DPH6: variants seen among roughly 807,000 people sequenced by gnomAD.
DPH6 encodes diphthamine biosynthesis 6.
In DPH6, 33 loss-of-function variants were observed where a neutral mutation model predicts 38.2. That is an observed-to-expected ratio of 0.86 (90% CI 0.65 to 1.15). The LOEUF is 1.15. Ranked by LOEUF, DPH6 falls within the 50% of genes most tolerant of loss-of-function variation. The probability of loss-of-function intolerance (pLI) is 0.00; values close to 1 mark genes in which losing one functional copy is unlikely to be tolerated. For missense variants in DPH6, 325 were observed against 320.0 expected, an observed-to-expected ratio of 1.02 and a Z score of -0.12; for synonymous variants, 108 against 103.0, an observed-to-expected ratio of 1.05 and a Z score of -0.30.
intron 3 of DPH6, among the ~76,000 whole-genome samples, chr15:35,531,661 C>T (rs1270247786): frequency 2.0e-5 from 3 of 152,058 alleles, no homozygotes; most frequent in Admixed American, 1.3e-4. Flanking sequence ...TTAGTACAGA[C>T]GAGGTTTCAA....
intron 3 of DPH6, among the ~76,000 whole-genome samples, chr15:35,531,447 T>C (rs963325036): frequency 6.6e-6 from 1 of 152,188 alleles, no homozygotes; most frequent in Non-Finnish European, 1.5e-5. Context: ...CATAGTAACA[T>C]GGCTCCCCTG....
In DPH6 at chr15:35,282,445, C is replaced by T. The variant is rs572710516; in HGVS notation, n.201-61863G>A. Among the ~76,000 whole-genome samples the T allele has an allele frequency of 5.3e-5, 8 of 152,312 alleles. No homozygotes were observed. The East Asian group carries it at 7.7e-4, about 15-fold the overall frequency. ...CCTCCCACCTTGGCCTCTCAAAGCA[C>T]TGGGATTACAGGTGTGAGCCACCAC... On this transcript the variant is annotated intron_variant and non_coding_transcript_variant, in intron 3 of 3. Transcript: ENST00000560386.
chr15:35,214,765 T>C (rs1216456267), downstream of DPH6, among the ~76,000 whole-genome samples: 2 of 152,054 alleles, frequency 1.3e-5, no homozygotes, highest in Non-Finnish European at 2.9e-5. Context: ...CACCACCACA[T>C]CCGGCTAATT....
intron 3 of DPH6, among the ~76,000 whole-genome samples, chr15:35,311,083 A>AACAACAAC (rs1566866195): frequency 2.0e-5 from 3 of 146,542 alleles, no homozygotes; most frequent in African/African-American, 8.2e-5. Context: ...ACAACAACAA[A>AACAACAAC]AAAAAAAACC....
At chr15:35,496,565 A>ATATATATATATAT (rs1467883229) in intron 3 of DPH6, among the ~76,000 whole-genome samples, 244 of 20,010 alleles carry the variant, frequency 0.012, 2 homozygotes, top group Middle Eastern at 0.056. Flanking sequence ...CAAAAAAAAA[A>ATATATATATATAT]AAATATATAT....
At chr15:35,304,061 T>C (rs1018859109) in intron 3 of DPH6, among the ~76,000 whole-genome samples, 49 of 152,240 alleles carry the variant, frequency 3.2e-4, no homozygotes, top group Middle Eastern at 3.4e-3. Flanking sequence ...GTCTTTCTTA[T>C]ATAAATGACA....
chr15:35,200,913 C>A, the DPH6 span, among the ~76,000 whole-genome samples: 1 of 143,240 alleles, frequency 7.0e-6, no homozygotes, highest in South Asian at 2.2e-4. Flanking sequence ...AATTAAAGAA[C>A]AAAGTTGTAA....
chr15:35,321,552 A>G (rs375642510), intron 3 of DPH6, among the ~76,000 whole-genome samples: 1 of 152,216 alleles, frequency 6.6e-6, no homozygotes, highest in East Asian at 1.9e-4. Context: ...GGTTTTGATA[A>G]TGTTTATTTC....
the DPH6 span, among the ~76,000 whole-genome samples, chr15:35,181,160 C>T: frequency 6.6e-6 from 1 of 152,008 alleles, no homozygotes; most frequent in Non-Finnish European, 1.5e-5. Context: ...AGGACTATTT[C>T]CCATCTCAGA....
At chr15:35,300,448 G>C (rs548815811) in intron 3 of DPH6, among the ~76,000 whole-genome samples, 1 of 152,196 alleles carries the variant, frequency 6.6e-6, no homozygotes, top group Non-Finnish European at 1.5e-5. Flanking sequence ...GGTTATGATT[G>C]TAAGAACGGA....
intron 3 of DPH6, among the ~76,000 whole-genome samples, chr15:35,318,973 G>C (rs939517334): frequency 6.6e-6 from 1 of 152,084 alleles, no homozygotes; most frequent in Non-Finnish European, 1.5e-5. Flanking sequence ...GAGCCAGCTG[G>C]TCAACTTACT....
chr15:35,352,822 T>C (rs74665578), intron 3 of DPH6, among the ~76,000 whole-genome samples: 1 of 152,212 alleles, frequency 6.6e-6, no homozygotes, highest in Admixed American at 6.5e-5. Flanking sequence ...GGTCAAATGA[T>C]ATTTCTAGTT....
chr15:35,177,733 A>G, the DPH6 span, among the ~76,000 whole-genome samples: 1 of 151,960 alleles, frequency 6.6e-6, no homozygotes. Flanking sequence ...TGAGGTCAGG[A>G]GTTCGAGACC....
chr15:35,307,989 T>A (rs2052107647), intron 3 of DPH6, among the ~76,000 whole-genome samples: 1 of 152,172 alleles, frequency 6.6e-6, no homozygotes, highest in Non-Finnish European at 1.5e-5. Context: ...TAAAAACTTC[T>A]GGTCAGCCAT....
chr15:35,435,610 T>C (rs536516523), intron 5 of DPH6, among the ~76,000 whole-genome samples: 200 of 152,250 alleles, frequency 1.3e-3, no homozygotes, highest in Admixed American at 4.0e-3. Flanking sequence ...CAGGACCCCC[T>C]CTTTCTTTTC....
chr15:35,193,552 A>G, the DPH6 span, among the ~76,000 whole-genome samples: 1 of 152,140 alleles, frequency 6.6e-6, no homozygotes, highest in African/African-American at 2.4e-5. Flanking sequence ...CGATAAAGGT[A>G]GTTGCATAGA....
intron 3 of DPH6, among the ~76,000 whole-genome samples, chr15:35,267,602 G>T (rs571338039): frequency 9.9e-5 from 15 of 152,176 alleles, no homozygotes; most frequent in Non-Finnish European, 1.9e-4. Context: ...AGATGGAGAA[G>T]CTATGTTTAG....
At chr15:35,323,230 G>A (rs921738676) in intron 3 of DPH6, among the ~76,000 whole-genome samples, 19 of 152,074 alleles carry the variant, frequency 1.2e-4, no homozygotes, top group African/African-American at 4.6e-4. Flanking sequence ...ATGTTATTAA[G>A]GTATAAGAGG....
intron 5 of DPH6, among the ~76,000 whole-genome samples, chr15:35,437,709 T>C (rs2053735360): frequency 6.6e-6 from 1 of 152,208 alleles, no homozygotes; most frequent in African/African-American, 2.4e-5. Context: ...GATACAGGCC[T>C]AGTACTCCAC....
Sources: gnomAD v4.1 joint callset for allele counts (sites outside exome capture counted in the v4.1 genomes callset) on GRCh38, gnomAD v4.1.1 for gene constraint, MANE v1.5 for transcripts, NCBI Gene and HGNC (gene_info 2026-07-23, HGNC 2026-07-21) for gene names.